RAPGEF2: variants seen among roughly 807,000 people sequenced by gnomAD.
RAPGEF2 encodes Rap guanine nucleotide exchange factor 2.
RAPGEF2 carries 54 observed loss-of-function variants against 186.7 expected under a neutral mutation model. The ratio of observed to expected loss-of-function variants is 0.29; its 90% CI spans 0.23 to 0.36. RAPGEF2 has a LOEUF of 0.36. Ranked by LOEUF, RAPGEF2 falls within the 10% of genes least tolerant of loss-of-function variation. The probability of loss-of-function intolerance (pLI) is 1.00; values close to 1 mark genes in which losing one functional copy is unlikely to be tolerated. For synonymous variants in RAPGEF2, 712 were observed against 705.9 expected, an observed-to-expected ratio of 1.01 and a Z score of -0.14; for missense variants, 1,532 against 2,045.0, an observed-to-expected ratio of 0.75 and a Z score of 4.84.
chr4:159,314,578 T>C lies in RAPGEF2; in HGVS notation c.676-13T>C, dbSNP rs1764323756. On this transcript the variant is annotated splice_polypyrimidine_tract_variant and intron_variant, in intron 8 of 29. Transcript: ENST00000691494. ...CTTAAAATAGTTTTTAATTTTTGTG[T>C]GTGTGTCTTAAGGCCACAGAAAGCG... The C allele has an allele frequency of 1.9e-6, 3 of 1,590,150 alleles. No individual in the cohort carries two copies. The highest frequency in any genetic ancestry group is 2.6e-6 in the Non-Finnish European group (3 of 1,172,932).
intron 7 of RAPGEF2, among the ~76,000 whole-genome samples, chr4:159,287,347 C>CAA (rs1760635757): frequency 1.3e-5 from 2 of 151,678 alleles, no homozygotes; most frequent in Non-Finnish European, 2.9e-5. Context: ...ACCTAAGCAG[C>CAA]AAAAAAATTT....
chr4:159,301,838 A>C (rs1291654618), intron 7 of RAPGEF2, among the ~76,000 whole-genome samples: 1 of 152,180 alleles, frequency 6.6e-6, no homozygotes, highest in Admixed American at 6.5e-5. Context: ...TAGCCTGGGC[A>C]GTTAAGGAAG....
intron 17 of RAPGEF2, among the ~76,000 whole-genome samples, chr4:159,336,139 C>A (rs1264365167): frequency 6.7e-6 from 1 of 148,958 alleles, no homozygotes; most frequent in Non-Finnish European, 1.5e-5. Flanking sequence ...TGAAATAATT[C>A]ACACTGAAAT....
rs149455224 is a variant in RAPGEF2 at position 159,158,880 on chromosome 4, T to C, written c.70-27762T>C. ...TACTCAAGTTTCACTCTTATTTGGG[T>C]TTTTTGGAGACTGGCTAATCCCCCT... On this transcript the variant is annotated intron_variant, in intron 1 of 29. Transcript: ENST00000691494. Among the ~76,000 whole-genome samples, 410 of 152,240 alleles carry C rather than the reference T, an allele frequency of 2.7e-3. 1 individual carries two copies. The highest frequency in any genetic ancestry group is 9.2e-3 in the African/African-American group (383 of 41,530).
At chr4:159,196,788 T>C (rs1490480529) in intron 3 of RAPGEF2, among the ~76,000 whole-genome samples, 2 of 152,250 alleles carry the variant, frequency 1.3e-5, no homozygotes, top group Non-Finnish European at 1.5e-5. Context: ...GGAATTATGA[T>C]AGTGATGCTC....
At chr4:159,258,346 CAAG>C (rs1756426216) in intron 7 of RAPGEF2, among the ~76,000 whole-genome samples, 1 of 152,068 alleles carries the variant, frequency 6.6e-6, no homozygotes, top group Non-Finnish European at 1.5e-5. Context: ...ACTTTTTTCT[CAAG>C]AAAATATTTT....
chr4:159,347,498 A>T (rs1730492230), intron 25 of RAPGEF2, among the ~76,000 whole-genome samples: 1 of 152,250 alleles, frequency 6.6e-6, no homozygotes, highest in South Asian at 2.1e-4. Context: ...TAAAAGAAAA[A>T]CATCAGCCAG....
intron 4 of RAPGEF2, among the ~76,000 whole-genome samples, chr4:159,220,294 G>C: frequency 6.7e-6 from 1 of 148,376 alleles, no homozygotes; most frequent in African/African-American, 2.4e-5. Flanking sequence ...AAATGATCCA[G>C]TTGAGAGAGG....
intron 2 of RAPGEF2, among the ~76,000 whole-genome samples, chr4:159,189,721 G>A (rs1747920456): frequency 6.6e-6 from 1 of 152,186 alleles, no homozygotes; most frequent in Non-Finnish European, 1.5e-5. Context: ...GTCTAACAAT[G>A]TTTAAAGACA....
intron 4 of RAPGEF2, among the ~76,000 whole-genome samples, chr4:159,211,418 A>T (rs1750516341): frequency 6.7e-6 from 1 of 150,080 alleles, no homozygotes; most frequent in South Asian, 2.1e-4. Flanking sequence ...AAGTATTTTT[A>T]TTTTAAATTA....
rs373354879 is a variant in RAPGEF2, at chr4:159,316,283, TACTA to T, written c.853+1521_853+1524del. 4.9e-3 allele frequency among the ~76,000 whole-genome samples: 750 copies of T among 152,330 alleles called. 11 individuals carry two copies. Among genetic ancestry groups the T allele is most frequent in the African/African-American group, 0.017 (710 of 41,568 alleles). ...TAATATTGGAATAAAGAGTAAGTAC[TACTA>T]ACTAATGATTAATGATTTTATATAT... On this transcript the variant is annotated intron_variant, in intron 9 of 29. Coordinates refer to ENST00000691494, the MANE Select transcript of RAPGEF2 (RefSeq NM_001394067.2).
chr4:159,301,517 T>C (rs902712199), intron 7 of RAPGEF2, among the ~76,000 whole-genome samples: 3 of 152,204 alleles, frequency 2.0e-5, no homozygotes, highest in Non-Finnish European at 2.9e-5. Flanking sequence ...GCATTTACTT[T>C]AATATATCAT....
intron 5 of RAPGEF2, chr4:159,240,890 G>T: frequency 4.4e-6 from 1 of 229,440 alleles, no homozygotes; most frequent in East Asian, 7.3e-5. Flanking sequence ...AATGTATCCT[G>T]TGAGATCTTT....
At chr4:159,171,372 C>T (rs890459104) in intron 1 of RAPGEF2, among the ~76,000 whole-genome samples, 2 of 152,150 alleles carry the variant, frequency 1.3e-5, no homozygotes, top group African/African-American at 4.8e-5. Context: ...ATCTTAGATA[C>T]TCTTATTATT....
intron 10 of RAPGEF2, among the ~76,000 whole-genome samples, chr4:159,323,186 A>C (rs1232073132): frequency 6.6e-6 from 1 of 152,178 alleles, no homozygotes; most frequent in African/African-American, 2.4e-5. Flanking sequence ...GGGACAGAGA[A>C]ATTTTTTTCC....
intron 17 of RAPGEF2, among the ~76,000 whole-genome samples, chr4:159,335,879 A>T (rs1403202090): frequency 6.7e-6 from 1 of 149,822 alleles, no homozygotes; most frequent in African/African-American, 2.5e-5. Context: ...TGCCTGCAAG[A>T]TGCTAATATT....
At chr4:159,347,656 C>T (rs911000226) in intron 25 of RAPGEF2, among the ~76,000 whole-genome samples, 2 of 152,182 alleles carry the variant, frequency 1.3e-5, no homozygotes, top group East Asian at 1.9e-4. Flanking sequence ...TGGTGGCGGG[C>T]GCCTGTAGTC....
At chr4:159,198,089 T>C (rs1748866506) in intron 3 of RAPGEF2, among the ~76,000 whole-genome samples, 1 of 152,188 alleles carries the variant, frequency 6.6e-6, no homozygotes, top group Non-Finnish European at 1.5e-5. Flanking sequence ...CTTCTTGATG[T>C]GACCAAGATT....
chr4:159,252,602 A>G (rs1755594917), intron 7 of RAPGEF2, among the ~76,000 whole-genome samples: 1 of 152,190 alleles, frequency 6.6e-6, no homozygotes, highest in Admixed American at 6.5e-5. Context: ...TTTTGCCTAA[A>G]TTTTAGTATT....
Sources: gnomAD v4.1 joint callset for allele counts (sites outside exome capture counted in the v4.1 genomes callset) on GRCh38, gnomAD v4.1.1 for gene constraint, MANE v1.5 for transcripts, NCBI Gene and HGNC (gene_info 2026-07-23, HGNC 2026-07-21) for gene names.